The following GLRA2 variants were observed in gnomAD, a reference collection of about 807,000 sequenced individuals.
GLRA2 encodes the protein glycine receptor alpha 2.
GLRA2 carries 11 observed loss-of-function variants against 31.6 expected under a neutral mutation model. The ratio of observed to expected loss-of-function variants is 0.35; its 90% CI spans 0.22 to 0.58. The LOEUF (loss-of-function observed/expected upper bound fraction) is 0.58, where lower values mean the gene tolerates loss of function less well. Ranked by LOEUF, GLRA2 falls within the 20% of genes least tolerant of loss-of-function variation. The probability of loss-of-function intolerance (pLI) is 0.84; values close to 1 mark genes in which losing one functional copy is unlikely to be tolerated. For synonymous variants in GLRA2, 132 were observed against 134.0 expected (o/e 0.99, Z 0.10); for missense variants, 212 against 351.8 (o/e 0.60, Z 3.18).
chrX:14,685,844 C>G (rs1236677948), intron 7 of GLRA2, among the ~76,000 whole-genome samples: 2 of 111,489 alleles, frequency 1.8e-5, no homozygotes, highest in African/African-American at 6.5e-5. Flanking sequence ...TTATTTCTTG[C>G]CTTCTGCTAG....
At chrX:14,482,353 T>C in the GLRA2 span, among the ~76,000 whole-genome samples, 1 of 111,504 alleles carries the variant, frequency 9.0e-6, no homozygotes, top group Non-Finnish European at 1.9e-5. Flanking sequence ...ATTTCTTTCA[T>C]CTCCAGGATG....
chrX:14,668,304 C>G (rs1283623782), intron 7 of GLRA2, among the ~76,000 whole-genome samples: 1 of 111,935 alleles, frequency 8.9e-6, no homozygotes, highest in Non-Finnish European at 1.9e-5. Flanking sequence ...AAGTAACATC[C>G]CATCAATTTT....
chrX:14,613,526 A>G (rs993116579), intron 7 of GLRA2, among the ~76,000 whole-genome samples: 1 of 112,014 alleles, frequency 8.9e-6, no homozygotes, highest in Non-Finnish European at 1.9e-5. Context: ...CAACTATACA[A>G]TATTTGCATT....
intron 4 of GLRA2, among the ~76,000 whole-genome samples, chrX:14,593,322 C>G (rs1332605056): frequency 8.9e-6 from 1 of 112,124 alleles, no homozygotes; most frequent in Non-Finnish European, 1.9e-5. Context: ...CGATATTTAT[C>G]ATTGGACAGT....
At chrX:14,490,885 G>A in the GLRA2 span, among the ~76,000 whole-genome samples, 3 of 111,589 alleles carry the variant, frequency 2.7e-5, no homozygotes, top group African/African-American at 9.8e-5. Context: ...GATATGACCA[G>A]CTTCAGCACA....
Position 14,567,903 on chromosome X carries a change from A to T in GLRA2, c.203-6430A>T, listed in dbSNP as rs915551478. Among the ~76,000 whole-genome samples, 5 of 112,551 alleles carry T rather than the reference A, an allele frequency of 4.4e-5. No individual in the cohort carries two copies. The East Asian group carries it at 1.4e-3, about 31-fold the overall frequency. ...AGTATGTAAAAGAATAAAATACCTA[A>T]AAATAAGTTAACCAAACATGTGAAA... is the stretch of plus-strand genomic sequence containing the variant. On this transcript the variant is annotated intron_variant, in intron 2 of 8. Transcript: ENST00000218075.
At chrX:14,574,958 C>T (rs1188371522) in intron 3 of GLRA2, among the ~76,000 whole-genome samples, 1 of 110,012 alleles carries the variant, frequency 9.1e-6, no homozygotes, top group Non-Finnish European at 1.9e-5. Flanking sequence ...ATAGTTGAGC[C>T]TCCCTTCGAT....
intron 2 of GLRA2, among the ~76,000 whole-genome samples, chrX:14,545,814 G>C (rs1428459716): frequency 9.0e-6 from 1 of 111,275 alleles, no homozygotes; most frequent in Admixed American, 9.6e-5. Context: ...ATTAGTTATA[G>C]ATGTCAAGGA....
the GLRA2 span, among the ~76,000 whole-genome samples, chrX:14,476,753 T>C: frequency 1.8e-5 from 2 of 112,380 alleles, no homozygotes; most frequent in Admixed American, 9.4e-5. Flanking sequence ...CAAGTTGTTA[T>C]ATTGGCTTCT....
At chrX:14,681,094 G>T (rs1323611758) in intron 7 of GLRA2, among the ~76,000 whole-genome samples, 1 of 112,059 alleles carries the variant, frequency 8.9e-6, no homozygotes, top group Non-Finnish European at 1.9e-5. Flanking sequence ...TAGGTTAAAG[G>T]TGCACAACGT....
the GLRA2 span, among the ~76,000 whole-genome samples, chrX:14,506,019 G>A: frequency 2.2e-4 from 25 of 111,492 alleles, no homozygotes; most frequent in African/African-American, 7.8e-4. Context: ...AACTGTCCCT[G>A]CCTCAATTAT....
At chrX:14,485,885 A>T in the GLRA2 span, among the ~76,000 whole-genome samples, 2 of 111,629 alleles carry the variant, frequency 1.8e-5, no homozygotes, top group Admixed American at 1.9e-4. Flanking sequence ...TTACTCCATG[A>T]TCTATCCCTA....
the GLRA2 span, among the ~76,000 whole-genome samples, chrX:14,486,913 TAAAAG>T: frequency 9.0e-6 from 1 of 110,645 alleles, no homozygotes; most frequent in Non-Finnish European, 1.9e-5. Context: ...CACAGCAAAA[TAAAAG>T]AATGGTGGCA....
At chrX:14,493,708 C>CATGTATACATATATACGTGTAT in the GLRA2 span, among the ~76,000 whole-genome samples, 6 of 84,978 alleles carry the variant, frequency 7.1e-5, no homozygotes, top group South Asian at 4.8e-4. Context: ...TATGTATACA[C>CATGTATACATATATACGTGTAT]ATGTATACAT....
chrX:14,597,678 C>T (rs1250482348), intron 4 of GLRA2, among the ~76,000 whole-genome samples: 1 of 111,680 alleles, frequency 9.0e-6, no homozygotes, highest in African/African-American at 3.3e-5. Context: ...CTGCTGGCTT[C>T]ATAGACAAAA....
chrX:14,552,008 C>G (rs1361632084), intron 2 of GLRA2, among the ~76,000 whole-genome samples: 1 of 112,082 alleles, frequency 8.9e-6, no homozygotes, highest in African/African-American at 3.2e-5. Context: ...TGTACAAATT[C>G]AAGTTAACTT....
intron 1 of GLRA2, chrX:14,531,285 G>T: frequency 2.9e-6 from 1 of 347,856 alleles, no homozygotes. Flanking sequence ...GCAAGAATGT[G>T]GTATTTTCTT....
chrX:14,712,559 G>A (rs1283727658), intron 8 of GLRA2, among the ~76,000 whole-genome samples: 1 of 109,114 alleles, frequency 9.2e-6, no homozygotes, highest in African/African-American at 3.3e-5. Flanking sequence ...GTAGTTAAAA[G>A]TCTGGAGTAA....
intron 5 of GLRA2, 27 bp from the exon 6 acceptor site, chrX:14,607,104 A>G (rs199920383): frequency 3.3e-5 from 37 of 1,131,345 alleles, no homozygotes; most frequent in Admixed American, 1.7e-4. Flanking sequence ...GCCATATTCA[A>G]TTTTCACTAT....
Sources: allele counts gnomAD v4.1 joint callset (sites outside exome capture counted in the v4.1 genomes callset), GRCh38; gene constraint gnomAD v4.1.1; transcripts MANE v1.5; gene names NCBI Gene and HGNC (gene_info 2026-07-23, HGNC 2026-07-21).